SLC12A2: variants seen among roughly 807,000 people sequenced by gnomAD.
SLC12A2 encodes Na-K-2Cl cotransporter 1.
Under a neutral mutation model 136.3 loss-of-function variants are expected in SLC12A2, and 67 were observed. The observed-to-expected ratio is 0.49, with a 90% CI of 0.40 to 0.60. SLC12A2 has a LOEUF of 0.60. SLC12A2 is among the 20% of genes least tolerant of loss of function. The pLI, the probability that SLC12A2 is intolerant of heterozygous loss-of-function variation, is 0.00. For missense variants in SLC12A2, 1,322 were observed against 1,534.7 expected (o/e 0.86, Z 2.32); for synonymous variants, 619 against 562.9 (o/e 1.10, Z -1.41).
intron 1 of SLC12A2, chr5:128,110,387 CA>C: frequency 1.1e-5 from 11 of 1,016,906 alleles, no homozygotes; most frequent in East Asian, 2.4e-5. Context: ...CCTGGGAAAG[CA>C]AAAACTCCAC....
rs558756697 is a variant in SLC12A2, at chr5:128,151,189, G to A, written c.2108-52G>A. The A allele has an allele frequency of 7.3e-6, 11 of 1,512,056 alleles. No individual in the cohort carries two copies. The African/African-American group carries it at 1.4e-4, about 19-fold the overall frequency. The allele number at this position is 1,512,056 out of a possible 1,614,324, so 93.7% of individuals were successfully genotyped here. A position where few individuals can be genotyped will look rare whatever the true frequency, so the allele number is the denominator to read the frequency against. On this transcript the variant is annotated intron_variant, in intron 13 of 26. Transcript: ENST00000262461. The stretch of plus-strand genomic sequence containing the variant: ...ATTTTTTGAATACATATGTACCATT[G>A]TGTAAAGCAGATGAGGTATTTGTGT...
chr5:128,095,211 G>A (rs558093432), intron 1 of SLC12A2, among the ~76,000 whole-genome samples: 12 of 152,066 alleles, frequency 7.9e-5, no homozygotes, highest in Non-Finnish European at 1.8e-4. Flanking sequence ...GGAGATTTGG[G>A]TCTTTAAAGG....
chr5:128,085,548 A>G (rs770750751), intron 1 of SLC12A2, among the ~76,000 whole-genome samples: 3 of 152,322 alleles, frequency 2.0e-5, no homozygotes, highest in Non-Finnish European at 2.9e-5. Flanking sequence ...TCAGCGTTCA[A>G]TGTCACTGTT....
intron 1 of SLC12A2, among the ~76,000 whole-genome samples, chr5:128,092,823 C>T (rs1337258739): frequency 1.3e-5 from 2 of 152,068 alleles, no homozygotes; most frequent in Admixed American, 6.6e-5. Context: ...GTTCTGAGGT[C>T]CTATGATTTT....
At chr5:128,135,262 A>G (rs1373116907) in intron 6 of SLC12A2, among the ~76,000 whole-genome samples, 2 of 152,014 alleles carry the variant, frequency 1.3e-5, no homozygotes, top group Non-Finnish European at 2.9e-5. Flanking sequence ...TCCTGTAGCA[A>G]TCACACACTC....
intron 5 of SLC12A2, among the ~76,000 whole-genome samples, 197 bp downstream of exon 5, chr5:128,131,403 C>T (rs1762018293): frequency 6.6e-6 from 1 of 152,146 alleles, no homozygotes; most frequent in Non-Finnish European, 1.5e-5. Context: ...GTGGCTCGCG[C>T]ATGTAATCCC....
At chr5:128,119,579 A>G (rs1014219375) in intron 4 of SLC12A2, among the ~76,000 whole-genome samples, 1 of 152,118 alleles carries the variant, frequency 6.6e-6, no homozygotes, top group East Asian at 1.9e-4. Context: ...CCATTGATCT[A>G]TATCTCTGTT....
rs376343354 is a variant in SLC12A2 at position 128,154,072 on chromosome 5, A to AAC, written c.2363+1268_2363+1269insCA. 1.0e-3 allele frequency among the ~76,000 whole-genome samples: 152 copies of AAC among 149,812 alleles called. 2 individuals carry two copies. The highest frequency in any genetic ancestry group is 9.6e-3 in the South Asian group (46 of 4,806). On this transcript the variant is annotated intron_variant, in intron 15 of 26. Transcript: ENST00000262461. ...GCCGTCAATTAAAAAAAAAAACAAA[A>AAC]AAAAAAAACCTCTTGCTTTGGCTCA... is the stretch of plus-strand genomic sequence containing the variant.
Position 128,112,883 on chromosome 5 carries a change from A to G in SLC12A2, c.826A>G (p.Thr276Ala), listed in dbSNP as rs776560012. The stretch of plus-strand genomic sequence containing the variant: ...AACCAGAGATGCTGTGGTCACGTAT[A>G]CTGCAGAAAGTAAAGGAGTCGTGAA... ...TPTRDAVVTYTAESKGVVKFG... is the reference protein window; with the variant it reads ...TPTRDAVVTYAAESKGVVKFG... Residue 276 changes from threonine (T) to alanine (A), a missense_variant, in exon 2 of 27, where the codon ACT becomes GCT. Transcript: ENST00000262461. 13 of 1,612,634 alleles carry G rather than the reference A, an allele frequency of 8.1e-6. No homozygotes were observed. The highest frequency in any genetic ancestry group is 1.1e-5 in the Non-Finnish European group (13 of 1,178,946).
chr5:128,131,711 T>A, intron 5 of SLC12A2, among the ~76,000 whole-genome samples: 1 of 144,116 alleles, frequency 6.9e-6, no homozygotes, highest in African/African-American at 2.6e-5. Flanking sequence ...CTCGGAAAAA[T>A]AAAGAAAAGT....
chr5:128,138,530 C>T (rs1392707195), intron 7 of SLC12A2, 67 bp from the exon 8 acceptor site: 6 of 1,450,678 alleles, frequency 4.1e-6, no homozygotes, highest in Non-Finnish European at 5.6e-6. Context: ...ACCTATTATT[C>T]TTGACCTCAG....
At chr5:128,169,779 AC>A (rs1302152259) in intron 18 of SLC12A2, 1 of 152,188 alleles carries the variant, frequency 6.6e-6, no homozygotes, top group East Asian at 1.9e-4. Flanking sequence ...GACATTTTTT[AC>A]AAATTCTTTC....
intron 1 of SLC12A2, among the ~76,000 whole-genome samples, chr5:128,105,879 C>T (rs553571606): frequency 2.5e-4 from 38 of 152,196 alleles, no homozygotes; most frequent in African/African-American, 8.7e-4. Flanking sequence ...CTTTTTATCC[C>T]TGGCCCCTCT....
chr5:128,133,880 CTTT>C (rs909976531), intron 5 of SLC12A2, among the ~76,000 whole-genome samples: 3 of 151,934 alleles, frequency 2.0e-5, no homozygotes, highest in Non-Finnish European at 4.4e-5. Flanking sequence ...TTAGTTATAA[CTTT>C]TTTACTTCTT....
At chr5:128,164,850 T>G (rs914978880) in intron 17 of SLC12A2, among the ~76,000 whole-genome samples, 20 of 149,722 alleles carry the variant, frequency 1.3e-4, no homozygotes, top group Non-Finnish European at 2.4e-4. Flanking sequence ...CTGTTTTGTT[T>G]TTTTTTTTTT....
intron 1 of SLC12A2, among the ~76,000 whole-genome samples, chr5:128,104,012 T>A (rs1356250937): frequency 6.6e-6 from 1 of 152,198 alleles, no homozygotes; most frequent in African/African-American, 2.4e-5. Flanking sequence ...AACAACATAT[T>A]TATGACAGAT....
rs907847643 is a variant in SLC12A2, at chr5:128,114,935, C to G, written c.1048+254C>G. Reference sequence around the variant, plus strand: ...AGCATCTACTTTGGTCTCTTATCCACTGGGCTGCATCTTAATTGCCTCCTC... The same window carrying G: ...AGCATCTACTTTGGTCTCTTATCCAGTGGGCTGCATCTTAATTGCCTCCTC... On this transcript the variant is annotated intron_variant, in intron 4 of 26. Transcript: ENST00000262461. Among the ~76,000 whole-genome samples the G allele has an allele frequency of 2.6e-5, 4 of 152,272 alleles. No homozygotes were observed. In the East Asian group the frequency reaches 5.8e-4, roughly 22 times the overall value.
chr5:128,175,272 A>G (rs965841285), intron 20 of SLC12A2, among the ~76,000 whole-genome samples: 1 of 152,108 alleles, frequency 6.6e-6, no homozygotes. Flanking sequence ...TGTACAGTTT[A>G]TCTCTTCTAT....
At chr5:128,136,246 C>T (rs1342501189) in intron 7 of SLC12A2, among the ~76,000 whole-genome samples, 1 of 152,032 alleles carries the variant, frequency 6.6e-6, no homozygotes, top group African/African-American at 2.4e-5. Context: ...TAGGAGATCT[C>T]TCCAGTTGGG....
Sources: allele counts gnomAD v4.1 joint callset (sites outside exome capture counted in the v4.1 genomes callset), GRCh38; gene constraint gnomAD v4.1.1; transcripts MANE v1.5; gene names NCBI Gene and HGNC (gene_info 2026-07-23, HGNC 2026-07-21).